Variants in PPM1E observed in about 807,000 individuals in gnomAD.
The protein encoded by PPM1E is protein phosphatase 1E.
PPM1E carries 20 observed loss-of-function variants against 65.9 expected under a neutral mutation model. The observed-to-expected ratio is 0.30, with a 90% CI of 0.21 to 0.44. The LOEUF is 0.44. Ranked by LOEUF, PPM1E falls within the 20% of genes least tolerant of loss-of-function variation. The pLI is 1.00. For synonymous variants in PPM1E, 352 were observed against 374.9 expected, an observed-to-expected ratio of 0.94 and a Z score of 0.70; for missense variants, 713 against 953.1, an observed-to-expected ratio of 0.75 and a Z score of 3.32.
In PPM1E at chr17:58,969,718, A is replaced by G. The variant is rs1188835446; in HGVS notation, c.963A>G (p.Ala321=). 1 of 1,614,024 alleles carries G rather than the reference A, an allele frequency of 6.2e-7. No individual in the cohort carries two copies. The highest frequency in any genetic ancestry group is 8.5e-7 in the Non-Finnish European group (1 of 1,180,000). Reference sequence around the variant, plus strand: ...CTGATGAGCGGTTTGTGCAGAAAGCAGCCAGGGAGGTATGCCCCTTTCTCA... The same window carrying G: ...CTGATGAGCGGTTTGTGCAGAAAGCGGCCAGGGAGGTATGCCCCTTTCTCA... ...RVTDERFVQK[A]ARESLRCGTT... The change falls in exon 4 of 7, where the codon GCA becomes GCG. Residue 321 remains alanine, a synonymous_variant. Transcript: ENST00000308249.
intron 1 of PPM1E, among the ~76,000 whole-genome samples, chr17:58,823,075 T>G (rs1453792471): frequency 1.3e-5 from 2 of 152,204 alleles, no homozygotes; most frequent in African/African-American, 2.4e-5. Flanking sequence ...ATTTTCAAAA[T>G]GAAAATAATA....
chr17:58,983,546 C>T lies in PPM1E; in HGVS notation c.*2515C>T, dbSNP rs1015790296. The T allele has an allele frequency of 6.6e-6, 1 of 152,620 alleles. No individual in the cohort carries two copies. Among genetic ancestry groups the T allele is most frequent in the African/African-American group, 2.4e-5 (1 of 41,452 alleles). 9.5% of individuals were successfully genotyped at this position (152,620 alleles called of 1,614,324 possible). ...ACGTAAGCAATAAGTAACCCTCTAACTAATGGTATCTACATATTTCTGTAA... is the reference window on the plus strand; with the variant it reads ...ACGTAAGCAATAAGTAACCCTCTAATTAATGGTATCTACATATTTCTGTAA... On this transcript the variant is annotated 3_prime_UTR_variant, in exon 7 of 7. Coordinates refer to ENST00000308249, the MANE Select transcript of PPM1E (RefSeq NM_014906.5).
Position 58,773,462 on chromosome 17 carries a change from A to G in PPM1E, c.464+17001A>G, listed in dbSNP as rs185075762. On this transcript the variant is annotated intron_variant, in intron 1 of 6. Transcript: ENST00000308249. ...ACACTCGTTTCAAATGCTGTATCTT[A>G]CTAGAAGAATTTCCCTGAGGTCAGG... is the stretch of plus-strand genomic sequence containing the variant. Among the ~76,000 whole-genome samples the G allele has an allele frequency of 2.0e-4, 31 of 152,298 alleles. 1 individual carries two copies. The highest frequency in any genetic ancestry group is 1.9e-3 in the Admixed American group (29 of 15,252).
At chr17:58,786,040 A>T (rs1158930481) in intron 1 of PPM1E, among the ~76,000 whole-genome samples, 4 of 145,026 alleles carry the variant, frequency 2.8e-5, no homozygotes, top group African/African-American at 1.0e-4. Context: ...TTTGAGACAG[A>T]GTCTCACTCT....
chr17:58,788,770 G>A (rs781025264), intron 1 of PPM1E, among the ~76,000 whole-genome samples: 6 of 152,104 alleles, frequency 3.9e-5, no homozygotes, highest in South Asian at 2.1e-4. Context: ...TTTTTCTGCC[G>A]CCTCAGTCTC....
At chr17:58,830,970 C>T (rs139566076) in intron 1 of PPM1E, among the ~76,000 whole-genome samples, 1 of 151,748 alleles carries the variant, frequency 6.6e-6, no homozygotes, top group African/African-American at 2.4e-5. Context: ...CAGGCGTGAG[C>T]CACCCTACCT....
intron 1 of PPM1E, among the ~76,000 whole-genome samples, chr17:58,848,234 C>T (rs2050791042): frequency 1.3e-5 from 2 of 152,154 alleles, no homozygotes; most frequent in Non-Finnish European, 2.9e-5. Flanking sequence ...GACAATTTGA[C>T]TTCCTCTTTT....
chr17:58,928,317 A>G (rs924579955), intron 1 of PPM1E, among the ~76,000 whole-genome samples: 1 of 152,118 alleles, frequency 6.6e-6, no homozygotes, highest in Non-Finnish European at 1.5e-5. Flanking sequence ...GTACTAATCT[A>G]GCATTCTTAT....
At chr17:58,843,362 T>TA (rs988969207) in intron 1 of PPM1E, among the ~76,000 whole-genome samples, 3 of 148,478 alleles carry the variant, frequency 2.0e-5, no homozygotes, top group African/African-American at 5.0e-5. Flanking sequence ...AAAATTAAAA[T>TA]AAAAAACTAG....
intron 1 of PPM1E, among the ~76,000 whole-genome samples, chr17:58,860,287 A>G (rs2050925331): frequency 6.6e-6 from 1 of 152,222 alleles, no homozygotes; most frequent in Non-Finnish European, 1.5e-5. Context: ...GGGAGTAACC[A>G]TGGCCATGGA....
chr17:58,766,201 T>G (rs1484878127), intron 1 of PPM1E, among the ~76,000 whole-genome samples: 14 of 130,894 alleles, frequency 1.1e-4, no homozygotes, highest in South Asian at 2.7e-4. Flanking sequence ...TTTCTGTTTT[T>G]TTTTTTTTTT....
intron 1 of PPM1E, among the ~76,000 whole-genome samples, chr17:58,811,251 G>A (rs566407345): frequency 2.8e-4 from 42 of 152,282 alleles, no homozygotes; most frequent in African/African-American, 1.0e-3. Flanking sequence ...TAGGTGACAT[G>A]TTGAAAGGTA....
At chr17:58,950,879 C>T (rs559097276) in intron 1 of PPM1E, among the ~76,000 whole-genome samples, 9 of 150,938 alleles carry the variant, frequency 6.0e-5, no homozygotes, top group Non-Finnish European at 8.9e-5. Flanking sequence ...CCTGGGTTCA[C>T]GCCATTCTCC....
At chr17:58,955,562 TA>T in intron 1 of PPM1E, 86 bp from the exon 2 acceptor site, 1 of 1,437,494 alleles carries the variant, frequency 7.0e-7, no homozygotes, top group African/African-American at 1.4e-5. Flanking sequence ...GAGACAATGT[TA>T]TAATTAATAT....
At chr17:58,889,152 C>A (rs1301239900) in intron 1 of PPM1E, among the ~76,000 whole-genome samples, 1 of 152,076 alleles carries the variant, frequency 6.6e-6, no homozygotes, top group Non-Finnish European at 1.5e-5. Context: ...TAAAGGTTAA[C>A]CTTATACCAA....
intron 2 of PPM1E, among the ~76,000 whole-genome samples, chr17:58,958,558 A>C (rs1268983335): frequency 2.0e-5 from 3 of 152,106 alleles, no homozygotes; most frequent in Non-Finnish European, 4.4e-5. Flanking sequence ...ACTAATACAG[A>C]GGAAATTTAA....
At chr17:58,768,119 T>G (rs1459059516) in intron 1 of PPM1E, among the ~76,000 whole-genome samples, 1 of 151,634 alleles carries the variant, frequency 6.6e-6, no homozygotes, top group Non-Finnish European at 1.5e-5. Flanking sequence ...CCCAGCTAAT[T>G]TTTTGTATTT....
chr17:58,937,215 T>G (rs1316821286), intron 1 of PPM1E, among the ~76,000 whole-genome samples: 1 of 151,662 alleles, frequency 6.6e-6, no homozygotes, highest in Non-Finnish European at 1.5e-5. Flanking sequence ...TATAAAATTT[T>G]ATAGTAACAA....
intron 1 of PPM1E, among the ~76,000 whole-genome samples, chr17:58,790,703 G>A (rs1052366454): frequency 2.0e-5 from 3 of 152,108 alleles, no homozygotes; most frequent in African/African-American, 7.2e-5. Context: ...AGGTAACGCT[G>A]ATCAATAGCC....
Sources: allele counts gnomAD v4.1 joint callset (sites outside exome capture counted in the v4.1 genomes callset), GRCh38; gene constraint gnomAD v4.1.1; transcripts MANE v1.5; gene names NCBI Gene and HGNC (gene_info 2026-07-23, HGNC 2026-07-21).